MOSPD2: variants seen among roughly 807,000 people sequenced by gnomAD.
The protein encoded by MOSPD2 is motile sperm domain containing 2.
Under a neutral mutation model 41.7 loss-of-function variants are expected in MOSPD2, and 5 were observed. The observed-to-expected ratio is 0.12, with a 90% CI of 0.06 to 0.25. MOSPD2 has a LOEUF of 0.25. Ranked by LOEUF, MOSPD2 falls within the 10% of genes least tolerant of loss-of-function variation. The pLI is 1.00. For synonymous variants in MOSPD2, 115 were observed against 126.9 expected, an observed-to-expected ratio of 0.91 and a Z score of 0.63; for missense variants, 282 against 375.2, an observed-to-expected ratio of 0.75 and a Z score of 2.05.
At chrX:14,878,381 G>A (rs1255944114) in intron 2 of MOSPD2, among the ~76,000 whole-genome samples, 2 of 112,099 alleles carry the variant, frequency 1.8e-5, no homozygotes, top group African/African-American at 6.5e-5. Flanking sequence ...CATATTTAGC[G>A]TTGTTATTTC....
chrX:14,897,112 A>G lies in MOSPD2; in HGVS notation c.351A>G (p.Lys117=). 8.3e-7 allele frequency: 1 copy of G among 1,205,281 alleles called. No homozygotes were observed. Among genetic ancestry groups the G allele is most frequent in the Non-Finnish European group, 1.1e-6 (1 of 892,113 alleles). The change falls in exon 5 of 15, where the codon AAA becomes AAG. Residue 117 remains lysine, a synonymous_variant. Transcript: ENST00000380492. ...GGATCAGGGTGAAGTATCATGTAAAAGACCAGAAAACCATATTGGACAAAA... is the reference window on the plus strand; with the variant it reads ...GGATCAGGGTGAAGTATCATGTAAAGGACCAGAAAACCATATTGGACAAAA... ...LFWIRVKYHV[K]DQKTILDKKK... is the part of the protein sequence containing the mutation.
chrX:14,911,372 G>A lies in MOSPD2; in HGVS notation c.838G>A (p.Glu280Lys), dbSNP rs1385341760. The A allele has an allele frequency of 8.4e-7, 1 of 1,193,085 alleles. No homozygotes were observed. The highest frequency in any genetic ancestry group is 1.1e-6 in the Non-Finnish European group (1 of 887,341). Residue 280 changes from glutamate to lysine, a missense_variant, in exon 9 of 15, where the codon GAA becomes AAA. Glu to Lys is a moderately conservative substitution (Grantham distance 56). Coordinates refer to ENST00000380492, the MANE Select transcript of MOSPD2 (RefSeq NM_152581.4). ...DIESDGKETLETISNEEQTPL... is the reference protein window; with the variant it reads ...DIESDGKETLKTISNEEQTPL... ...AGAAAGTGATGGCAAAGAAACATTG[G>A]AAACAATTTCTAATGAAGAACAAAC...
At chrX:14,916,897 G>A (rs1376837293) in intron 13 of MOSPD2, among the ~76,000 whole-genome samples, 1 of 112,382 alleles carries the variant, frequency 8.9e-6, no homozygotes, top group African/African-American at 3.2e-5. Flanking sequence ...AGATATATCA[G>A]GTTGTGACAA....
Position 14,911,516 on chromosome X carries a change from C to G in MOSPD2, c.879+103C>G, listed in dbSNP as rs536755179. 2.0e-4 allele frequency: 106 copies of G among 543,072 alleles called. No homozygotes were observed. The South Asian group carries it at 3.5e-3, about 18-fold the overall frequency. The allele number at this position is 543,072 out of a possible 1,213,427, so 44.8% of individuals were successfully genotyped here. A position where few individuals can be genotyped will look rare whatever the true frequency, so the allele number is the denominator to read the frequency against. ...TTTGGGTAATTCACTTAACCTGCTA[C>G]CCTTCCACATTTTTGTGTGTAAAAA... On this transcript the variant is annotated intron_variant, in intron 9 of 14. Coordinates refer to ENST00000380492, the MANE Select transcript of MOSPD2 (RefSeq NM_152581.4).
chrX:14,906,020 A>G (rs938519965), intron 7 of MOSPD2, among the ~76,000 whole-genome samples: 4 of 111,707 alleles, frequency 3.6e-5, no homozygotes, highest in African/African-American at 1.3e-4. Context: ...TCCCAAATTG[A>G]TCTACTGATT....
At chrX:14,895,488 CTG>C in intron 4 of MOSPD2, 94 bp downstream of exon 4, 1 of 535,574 alleles carries the variant, frequency 1.9e-6, no homozygotes, top group Admixed American at 2.9e-5. Context: ...CTTTCTCCAT[CTG>C]TAGCACTCCT....
chrX:14,891,739 G>C (rs2092554347), intron 2 of MOSPD2, among the ~76,000 whole-genome samples: 1 of 108,498 alleles, frequency 9.2e-6, no homozygotes, highest in Admixed American at 9.8e-5. Flanking sequence ...GCTAATTTTT[G>C]TATTTTTAGT....
At chrX:14,888,196 A>ACACACACGCG (rs1491164838) in intron 2 of MOSPD2, among the ~76,000 whole-genome samples, 3 of 29,136 alleles carry the variant, frequency 1.0e-4, no homozygotes, top group Admixed American at 6.3e-4. Context: ...GAGAATATAT[A>ACACACACGCG]CACACACACG....
chrX:14,892,582 T>C (rs1271529014), intron 2 of MOSPD2, 141 bp from the exon 3 acceptor site: 2 of 466,116 alleles, frequency 4.3e-6, no homozygotes, highest in South Asian at 4.0e-5. Flanking sequence ...TAAATGGCGC[T>C]TTTATCTGAA....
At chrX:14,896,592 G>T (rs1331641601) in intron 4 of MOSPD2, among the ~76,000 whole-genome samples, 1 of 111,615 alleles carries the variant, frequency 9.0e-6, no homozygotes, top group Admixed American at 9.5e-5. Context: ...TTCAAGTCCA[G>T]TTCTTTCTTA....
At chrX:14,892,977 A>G (rs2092556739) in intron 3 of MOSPD2, 99 bp downstream of exon 3, 1 of 558,280 alleles carries the variant, frequency 1.8e-6, no homozygotes, top group Non-Finnish European at 2.8e-6. Flanking sequence ...CCTAGCAGTC[A>G]TCATAAACAC....
rs373087387 is a variant in MOSPD2 at position 14,916,350 on chromosome X, C to T, written c.1316+24C>T. 5.0e-6 allele frequency: 6 copies of T among 1,207,373 alleles called. No homozygotes were observed. In the African/African-American group the frequency reaches 1.0e-4, roughly 21 times the overall value. On this transcript the variant is annotated intron_variant, in intron 13 of 14. Coordinates refer to ENST00000380492, the MANE Select transcript of MOSPD2 (RefSeq NM_152581.4). ...AGGTAAGCTTTTCCCTCACATTCTTCTCAAATGTAGTGGGAAGAATCAGAA... is the reference window on the plus strand; with the variant it reads ...AGGTAAGCTTTTCCCTCACATTCTTTTCAAATGTAGTGGGAAGAATCAGAA...
intron 2 of MOSPD2, among the ~76,000 whole-genome samples, chrX:14,892,108 C>T (rs2092555050): frequency 9.0e-6 from 1 of 111,659 alleles, no homozygotes; most frequent in Non-Finnish European, 1.9e-5. Context: ...CTTTAGATAA[C>T]GCATTCTCCT....
intron 2 of MOSPD2, among the ~76,000 whole-genome samples, chrX:14,881,379 A>T (rs1602022267): frequency 8.9e-6 from 1 of 111,868 alleles, no homozygotes; most frequent in Non-Finnish European, 1.9e-5. Context: ...AAGGACAGGA[A>T]GATAAGCAGT....
In MOSPD2 at chrX:14,921,455, C is replaced by T. The variant is rs1014263584; in HGVS notation, c.*1646C>T. Reference sequence around the variant, plus strand: ...CACAGTATCTCCCTGTGTGTGTGCACAGTGGCTTCCCCTTACATGGTAGAT... The same window carrying T: ...CACAGTATCTCCCTGTGTGTGTGCATAGTGGCTTCCCCTTACATGGTAGAT... On this transcript the variant is annotated 3_prime_UTR_variant, in exon 15 of 15. Transcript: ENST00000380492. 1.2e-5 allele frequency: 11 copies of T among 914,888 alleles called. No homozygotes were observed. In the South Asian group the frequency reaches 1.8e-4, roughly 15 times the overall value. The allele number at this position is 914,888 out of a possible 1,213,427, so 75.4% of individuals were successfully genotyped here.
chrX:14,888,762 GGT>G (rs746762577), intron 2 of MOSPD2, among the ~76,000 whole-genome samples: 24 of 105,633 alleles, frequency 2.3e-4, no homozygotes, highest in South Asian at 8.2e-4. Flanking sequence ...ATGTCCTAGG[GGT>G]GTGTGTGTGT....
chrX:14,879,035 ACTTCATTAGGTTTTGCCT>A (rs1192253336), intron 2 of MOSPD2, among the ~76,000 whole-genome samples: 2 of 111,803 alleles, frequency 1.8e-5, no homozygotes, highest in African/African-American at 6.5e-5. Flanking sequence ...CCTCACCAGT[ACTTCATTAGGTTTTGCCT>A]CTTTTTGAAC....
intron 8 of MOSPD2, among the ~76,000 whole-genome samples, chrX:14,910,190 G>A (rs1269053887): frequency 9.1e-6 from 1 of 109,371 alleles, no homozygotes; most frequent in Admixed American, 9.9e-5. Flanking sequence ...TTTTAATAAA[G>A]TAAATACAAT....
intron 8 of MOSPD2, 111 bp downstream of exon 8, chrX:14,909,095 A>G: frequency 1.6e-6 from 1 of 622,932 alleles, no homozygotes; most frequent in Admixed American, 4.2e-5. Context: ...AAGAAATATC[A>G]CAGATACCCC....
Sources: allele counts gnomAD v4.1 joint callset (sites outside exome capture counted in the v4.1 genomes callset), GRCh38; gene constraint gnomAD v4.1.1; transcripts MANE v1.5; gene names NCBI Gene and HGNC (gene_info 2026-07-23, HGNC 2026-07-21).